SENP1: variants seen among roughly 807,000 people sequenced by gnomAD.
SENP1 encodes sentrin-specific protease 1.
SENP1 carries 21 observed loss-of-function variants against 93.0 expected under a neutral mutation model. The observed-to-expected ratio is 0.23, with a 90% CI of 0.16 to 0.33. SENP1 has a LOEUF of 0.33. Among genes scored for constraint, SENP1 ranks in the 10% least tolerant of loss-of-function variants. The pLI, the probability that SENP1 is intolerant of heterozygous loss-of-function variation, is 1.00. For missense variants in SENP1, 591 were observed against 758.7 expected, an observed-to-expected ratio of 0.78 and a Z score of 2.60; for synonymous variants, 256 against 259.6, an observed-to-expected ratio of 0.99 and a Z score of 0.13.
intron 5 of SENP1, among the ~76,000 whole-genome samples, chr12:48,084,456 T>G (rs1402413068): frequency 1.3e-5 from 2 of 148,876 alleles, no homozygotes; most frequent in African/African-American, 2.5e-5. Context: ...AGTTTTTTTT[T>G]TTTTTTTTTT....
At position 48,074,463 on chromosome 12, in the gene SENP1, G is replaced by A. The variant is rs1397071032; in HGVS notation, c.801C>T (p.His267=). ...TATAAGAAGATAGGGAATATACACT[G>A]TGGGACAGCTGTTCCTGGTTAGTTA... ...SILTNQEQLS[H]SVYSLSSYTP... Residue 267 remains histidine (H), a synonymous_variant, in exon 8 of 18, where the codon CAC becomes CAT. Coordinates refer to ENST00000549518, the MANE Select transcript of SENP1 (RefSeq NM_001267594.2). 1.9e-6 allele frequency: 3 copies of A among 1,613,944 alleles called. No individual in the cohort carries two copies. The highest frequency in any genetic ancestry group is 1.1e-5 in the South Asian group (1 of 91,078).
intron 14 of SENP1, among the ~76,000 whole-genome samples, chr12:48,048,710 T>C (rs1941560869): frequency 6.6e-6 from 1 of 152,156 alleles, no homozygotes; most frequent in Non-Finnish European, 1.5e-5. Flanking sequence ...TAACTCTCTT[T>C]TAAATATTTC....
At chr12:48,101,702 A>G (rs1358139796) in intron 1 of SENP1, among the ~76,000 whole-genome samples, 186 bp from the exon 2 acceptor site, 1 of 152,252 alleles carries the variant, frequency 6.6e-6, no homozygotes, top group East Asian at 1.9e-4. Flanking sequence ...ACTTCCAAAC[A>G]TTTCTGCAAC....
At chr12:48,102,753 G>A (rs139524106) in intron 1 of SENP1, among the ~76,000 whole-genome samples, 208 of 147,958 alleles carry the variant, frequency 1.4e-3, no homozygotes, top group African/African-American at 4.3e-3. Context: ...CTTGGCGTAC[G>A]AGACCACGCC....
At chr12:48,080,626 A>G (rs1042364376) in intron 6 of SENP1, 15 of 152,358 alleles carry the variant, frequency 9.8e-5, no homozygotes, top group African/African-American at 2.6e-4. Flanking sequence ...GTAAGTTCCC[A>G]TCAGTAAATT....
chr12:48,076,626 C>T (rs1944100797), intron 6 of SENP1, among the ~76,000 whole-genome samples: 1 of 150,762 alleles, frequency 6.6e-6, no homozygotes, highest in African/African-American at 2.5e-5. Flanking sequence ...GCCACAGCAC[C>T]CAATATGTAG....
intron 10 of SENP1, among the ~76,000 whole-genome samples, chr12:48,066,097 T>C (rs762686161): frequency 1.3e-5 from 2 of 152,214 alleles, no homozygotes; most frequent in Non-Finnish European, 2.9e-5. Context: ...TTTCTTAACA[T>C]GCTTTTAAGA....
At chr12:48,095,158 C>T (rs921882060) in intron 4 of SENP1, among the ~76,000 whole-genome samples, 2 of 152,136 alleles carry the variant, frequency 1.3e-5, no homozygotes, top group Non-Finnish European at 2.9e-5. Context: ...GAGGAGATCT[C>T]ATCTTGCTGA....
chr12:48,067,835 G>C (rs1007865740), intron 9 of SENP1, among the ~76,000 whole-genome samples: 4 of 151,380 alleles, frequency 2.6e-5, no homozygotes, highest in Admixed American at 1.3e-4. Flanking sequence ...TCTGCAACTA[G>C]AATAGTGCTT....
chr12:48,098,384 C>T (rs572978218), intron 2 of SENP1, among the ~76,000 whole-genome samples: 2 of 152,132 alleles, frequency 1.3e-5, no homozygotes, highest in South Asian at 4.1e-4. Flanking sequence ...GTGGCTCACA[C>T]CTGTAATCCC....
Position 48,056,813 on chromosome 12 carries a change from CATAT to C in SENP1, c.1407+6893_1407+6896del, listed in dbSNP as rs1450778377. ...ATATTATTTAATATATTACATATTA[CATAT>C]ATAAATATATTTAACATATTACATA... On this transcript the variant is annotated intron_variant, in intron 13 of 17. Coordinates refer to ENST00000549518, the MANE Select transcript of SENP1 (RefSeq NM_001267594.2). Among the ~76,000 whole-genome samples, 2 of 61,534 alleles carry C rather than the reference CATAT, an allele frequency of 3.3e-5. 1 individual carries two copies. Among genetic ancestry groups the C allele is most frequent in the Non-Finnish European group, 5.4e-5 (2 of 36,952 alleles). The allele number at this position is 61,534 out of a possible 152,430, so 40.4% of individuals were successfully genotyped here.
chr12:48,053,886 A>G (rs567698187), intron 13 of SENP1, among the ~76,000 whole-genome samples: 20 of 152,272 alleles, frequency 1.3e-4, no homozygotes, highest in African/African-American at 4.6e-4. Context: ...TGCTTTTCCA[A>G]TTGGAAACAA....
chr12:48,048,113 G>T, intron 14 of SENP1, 33 bp from the exon 15 acceptor site: 1 of 1,418,602 alleles, frequency 7.0e-7, no homozygotes, highest in South Asian at 1.2e-5. Flanking sequence ...CTGTGTTTAT[G>T]AGATGAAGAA....
chr12:48,075,813 T>C (rs1441916978), intron 6 of SENP1, among the ~76,000 whole-genome samples: 1 of 151,782 alleles, frequency 6.6e-6, no homozygotes, highest in Non-Finnish European at 1.5e-5. Context: ...GAATGGAAAG[T>C]GATGGAAGGA....
intron 6 of SENP1, chr12:48,080,620 G>C (rs2137106961): frequency 6.6e-6 from 1 of 152,364 alleles, no homozygotes; most frequent in Admixed American, 6.5e-5. Flanking sequence ...CAGTTTGTAA[G>C]TTCCCATCAG....
At chr12:48,084,446 A>ACTTT (rs1944693670) in intron 5 of SENP1, among the ~76,000 whole-genome samples, 1 of 76,110 alleles carries the variant, frequency 1.3e-5, no homozygotes, top group Non-Finnish European at 2.5e-5. Flanking sequence ...ACTAATTTTG[A>ACTTT]GTTTTTTTTT....
intron 13 of SENP1, among the ~76,000 whole-genome samples, chr12:48,055,791 T>G: frequency 6.9e-6 from 1 of 145,970 alleles, no homozygotes; most frequent in East Asian, 2.0e-4. Flanking sequence ...ATATATTATT[T>G]AATATATAAA....
At chr12:48,079,507 A>G (rs1275674262) in intron 6 of SENP1, among the ~76,000 whole-genome samples, 3 of 152,192 alleles carry the variant, frequency 2.0e-5, no homozygotes, top group Non-Finnish European at 2.9e-5. Flanking sequence ...TCAAATAAAA[A>G]AAGAAAATTA....
At chr12:48,104,146 G>T (rs1946182610) in intron 1 of SENP1, among the ~76,000 whole-genome samples, 3 of 151,664 alleles carry the variant, frequency 2.0e-5, no homozygotes, top group Admixed American at 2.0e-4. Context: ...GGGAGGCGGA[G>T]GTTGCAGTGA....
Sources: gnomAD v4.1 joint callset for allele counts (sites outside exome capture counted in the v4.1 genomes callset) on GRCh38, gnomAD v4.1.1 for gene constraint, MANE v1.5 for transcripts, NCBI Gene and HGNC (gene_info 2026-07-23, HGNC 2026-07-21) for gene names.